The following SYT14 variants were observed in gnomAD, a reference collection of about 807,000 sequenced individuals.
The protein encoded by SYT14 is synaptotagmin 14, also known as synaptotagmin-14.
SYT14 carries 32 observed loss-of-function variants against 74.2 expected under a neutral mutation model. That is an observed-to-expected ratio of 0.43 (90% CI 0.33 to 0.58). The LOEUF (loss-of-function observed/expected upper bound fraction) is 0.58, where lower values mean the gene tolerates loss of function less well. SYT14 is among the 20% of genes least tolerant of loss of function. The pLI is 0.05. For missense variants in SYT14, 791 were observed against 981.8 expected, an observed-to-expected ratio of 0.81 and a Z score of 2.60; for synonymous variants, 298 against 337.7, an observed-to-expected ratio of 0.88 and a Z score of 1.29.
chr1:209,949,917 T>A (rs1206472857), intron 1 of SYT14, among the ~76,000 whole-genome samples: 1 of 152,196 alleles, frequency 6.6e-6, no homozygotes, highest in African/African-American at 2.4e-5. Flanking sequence ...TCGAGTAACT[T>A]AAAAAATTTA....
intron 7 of SYT14, among the ~76,000 whole-genome samples, chr1:210,144,054 C>T (rs2082979006): frequency 6.6e-6 from 1 of 152,108 alleles, no homozygotes; most frequent in Non-Finnish European, 1.5e-5. Flanking sequence ...TTCATAAACT[C>T]AACTGTCTTA....
intron 7 of SYT14, among the ~76,000 whole-genome samples, chr1:210,114,684 T>C (rs2082325240): frequency 6.6e-6 from 1 of 151,060 alleles, no homozygotes; most frequent in Admixed American, 6.6e-5. Context: ...AAAAGGAGCA[T>C]TAACCTTGAC....
chr1:209,976,271 C>T (rs376627479), intron 2 of SYT14, among the ~76,000 whole-genome samples: 9 of 147,462 alleles, frequency 6.1e-5, no homozygotes, highest in African/African-American at 1.3e-4. Context: ...GCTCTTGCTT[C>T]TCTAGTTCTT....
intron 5 of SYT14, among the ~76,000 whole-genome samples, chr1:210,039,522 A>C (rs2080739752): frequency 6.6e-6 from 1 of 152,206 alleles, no homozygotes; most frequent in Non-Finnish European, 1.5e-5. Context: ...ACAGAAGCCA[A>C]AATTGACAAA....
chr1:210,114,087 C>T (rs1173703079), intron 7 of SYT14, among the ~76,000 whole-genome samples: 1 of 151,328 alleles, frequency 6.6e-6, no homozygotes, highest in African/African-American at 2.5e-5. Context: ...GCCGCTATGC[C>T]GAGAAGATCT....
intron 5 of SYT14, among the ~76,000 whole-genome samples, chr1:210,052,684 AGC>A (rs2081023995): frequency 1.4e-5 from 2 of 147,800 alleles, no homozygotes; most frequent in Non-Finnish European, 3.0e-5. Flanking sequence ...AAAAAAAAAA[AGC>A]TCTCCAAGCA....
intron 1 of SYT14, among the ~76,000 whole-genome samples, chr1:209,946,665 G>A (rs1188181679): frequency 1.3e-5 from 2 of 152,242 alleles, no homozygotes; most frequent in Non-Finnish European, 2.9e-5. Context: ...GAAGCAGCAA[G>A]TGCTGATAGA....
At chr1:210,131,809 A>G (rs1486365162) in intron 7 of SYT14, among the ~76,000 whole-genome samples, 1 of 152,094 alleles carries the variant, frequency 6.6e-6, no homozygotes, top group Non-Finnish European at 1.5e-5. Context: ...CTTCTTCCAT[A>G]TAAACATATT....
At chr1:210,091,715 C>T (rs1203310749) in intron 5 of SYT14, among the ~76,000 whole-genome samples, 1 of 152,080 alleles carries the variant, frequency 6.6e-6, no homozygotes, top group Non-Finnish European at 1.5e-5. Context: ...CTCCTGGATC[C>T]TACATTGTTT....
rs780879026 is a variant in SYT14, at chr1:209,960,311, CTG to C, written c.-486+7557_-486+7558del. On this transcript the variant is annotated intron_variant, in intron 2 of 9. Transcript: ENST00000637265. The stretch of plus-strand genomic sequence containing the variant: ...TTTTGGAAATTGTAGAAAAAAGTCT[CTG>C]TAGTGGTTAGAGAATAGGAGATGAT... Among the ~76,000 whole-genome samples the C allele has an allele frequency of 2.6e-5, 4 of 152,096 alleles. No individual in the cohort carries two copies. In the South Asian group the frequency reaches 8.3e-4, roughly 32 times the overall value.
chr1:209,999,682 T>C (rs971001676), intron 2 of SYT14, among the ~76,000 whole-genome samples: 1 of 152,116 alleles, frequency 6.6e-6, no homozygotes, highest in Non-Finnish European at 1.5e-5. Flanking sequence ...CTCTCACTCA[T>C]ATGTGGGAGC....
In SYT14 at chr1:210,023,167, C is replaced by T. The variant is rs560047232; in HGVS notation, c.1312+1913C>T. ...TTATTTTGTAAACACAAAAAGCTTT[C>T]GTGAACGCTTTTTAGCAGTCATACA... On this transcript the variant is annotated intron_variant, in intron 5 of 9. Transcript: ENST00000637265. Among the ~76,000 whole-genome samples, 17 of 152,172 alleles carry T rather than the reference C, an allele frequency of 1.1e-4. No individual in the cohort carries two copies. The South Asian group carries it at 2.5e-3, about 22-fold the overall frequency.
At chr1:210,124,837 A>G (rs755053812) in intron 7 of SYT14, among the ~76,000 whole-genome samples, 64 of 151,990 alleles carry the variant, frequency 4.2e-4, no homozygotes, top group Non-Finnish European at 4.3e-4. Flanking sequence ...GCAAACTACA[A>G]ATATTCCCAG....
At chr1:210,039,211 A>G (rs2080732898) in intron 5 of SYT14, among the ~76,000 whole-genome samples, 1 of 152,058 alleles carries the variant, frequency 6.6e-6, no homozygotes, top group Non-Finnish European at 1.5e-5. Flanking sequence ...GCTTTCAGCT[A>G]TGTTTTATAA....
chr1:210,034,601 A>C (rs2080614957), intron 5 of SYT14, among the ~76,000 whole-genome samples: 1 of 151,402 alleles, frequency 6.6e-6, no homozygotes, highest in African/African-American at 2.4e-5. Context: ...CTTTCCCTCC[A>C]CTTTTCTGAA....
chr1:210,013,754 T>C, exon 3 of SYT14: 1 of 1,613,004 alleles, frequency 6.2e-7, no homozygotes, highest in Non-Finnish European at 8.5e-7. Context: ...TTCCAGATCT[T>C]GGTTCAGAAT....
At chr1:210,134,666 CT>C (rs1459057888) in intron 7 of SYT14, among the ~76,000 whole-genome samples, 1 of 152,104 alleles carries the variant, frequency 6.6e-6, no homozygotes, top group African/African-American at 2.4e-5. Flanking sequence ...CTTTCTGCCC[CT>C]ACCCCTAAAC....
chr1:210,066,325 T>C (rs1307643527), intron 5 of SYT14, among the ~76,000 whole-genome samples: 2 of 152,030 alleles, frequency 1.3e-5, no homozygotes, highest in African/African-American at 4.8e-5. Context: ...ATGGTTGAAC[T>C]AGTTTACAGT....
intron 2 of SYT14, among the ~76,000 whole-genome samples, chr1:209,957,230 C>T (rs1250231920): frequency 2.0e-5 from 3 of 152,130 alleles, no homozygotes; most frequent in African/African-American, 7.2e-5. Context: ...TTGCTGTCTT[C>T]TCTCTTCTCT....
Sources: gnomAD v4.1 joint callset for allele counts (sites outside exome capture counted in the v4.1 genomes callset) on GRCh38, gnomAD v4.1.1 for gene constraint, MANE v1.5 for transcripts, NCBI Gene and HGNC (gene_info 2026-07-23, HGNC 2026-07-21) for gene names.